Variants in MAOA observed in about 807,000 individuals in gnomAD.
The protein encoded by MAOA is monoamine oxidase A, also known as amine oxidase [flavin-containing] A.
MAOA carries 6 observed loss-of-function variants against 42.0 expected under a neutral mutation model. That is an observed-to-expected ratio of 0.14 (90% CI 0.08 to 0.28). MAOA has a LOEUF of 0.28. Ranked by LOEUF, MAOA falls within the 10% of genes least tolerant of loss-of-function variation. MAOA has a pLI of 1.00. For synonymous variants in MAOA, 140 were observed against 154.0 expected (o/e 0.91, Z 0.67); for missense variants, 262 against 422.3 (o/e 0.62, Z 3.33).
chrX:43,663,784 A>G (rs2033254511), intron 1 of MAOA, among the ~76,000 whole-genome samples: 1 of 112,243 alleles, frequency 8.9e-6, no homozygotes, highest in Non-Finnish European at 1.9e-5. Context: ...AAAATATGGG[A>G]CACCCTATTA....
chrX:43,698,589 T>C (rs181568832), intron 3 of MAOA, among the ~76,000 whole-genome samples: 122 of 112,096 alleles, frequency 1.1e-3, no homozygotes, highest in African/African-American at 3.8e-3. Flanking sequence ...GCAGATAGAG[T>C]GGTGAACAAA....
At chrX:43,690,867 G>C (rs191664706) in intron 2 of MAOA, among the ~76,000 whole-genome samples, 2 of 110,758 alleles carry the variant, frequency 1.8e-5, no homozygotes, top group African/African-American at 3.3e-5. Context: ...CATTAGAAAA[G>C]AAAAAGGCTA....
At chrX:43,709,448 T>C (rs1243693703) in intron 3 of MAOA, among the ~76,000 whole-genome samples, 3 of 110,330 alleles carry the variant, frequency 2.7e-5, no homozygotes, top group Non-Finnish European at 3.8e-5. Flanking sequence ...CTCGCTCTGT[T>C]GCCCAGGCTG....
intron 5 of MAOA, among the ~76,000 whole-genome samples, chrX:43,714,929 T>C (rs1211007174): frequency 9.3e-6 from 1 of 107,947 alleles, no homozygotes; most frequent in Non-Finnish European, 1.9e-5. Flanking sequence ...GTGGATGTCT[T>C]AGGGGAAGGG....
At chrX:43,699,244 T>C (rs902522593) in intron 3 of MAOA, among the ~76,000 whole-genome samples, 25 of 112,156 alleles carry the variant, frequency 2.2e-4, no homozygotes, top group African/African-American at 8.1e-4. Context: ...TTACTTGCAT[T>C]AGTAAATAAG....
intron 1 of MAOA, among the ~76,000 whole-genome samples, chrX:43,667,423 T>C (rs2033292012): frequency 9.0e-6 from 1 of 111,365 alleles, no homozygotes; most frequent in African/African-American, 3.3e-5. Context: ...GAGTGCAATA[T>C]TATTTGATGG....
At chrX:43,703,674 T>A (rs1435349722) in intron 3 of MAOA, among the ~76,000 whole-genome samples, 1 of 111,911 alleles carries the variant, frequency 8.9e-6, no homozygotes, top group Non-Finnish European at 1.9e-5. Flanking sequence ...ATCTTAAAAA[T>A]ACTTTGCAAA....
At chrX:43,736,171 C>A in intron 9 of MAOA, 56 bp from the exon 10 acceptor site, 2 of 867,599 alleles carry the variant, frequency 2.3e-6, no homozygotes, top group Non-Finnish European at 3.4e-6. Context: ...AAAGAAAGGG[C>A]AGCTCTTAAA....
intron 9 of MAOA, among the ~76,000 whole-genome samples, chrX:43,734,416 G>GT (rs1430339090): frequency 9.0e-6 from 1 of 111,128 alleles, no homozygotes; most frequent in Admixed American, 9.6e-5. Flanking sequence ...GTTTTTATGT[G>GT]TACAATGCTT....
At position 43,693,296 on chromosome X, in the gene MAOA, G is replaced by T. The variant is rs572229710; in HGVS notation, c.174G>T (p.Glu58Asp). The T allele has an allele frequency of 1.7e-6, 2 of 1,210,894 alleles. No individual in the cohort carries two copies. Among genetic ancestry groups the T allele is most frequent in the African/African-American group, 3.5e-5 (2 of 57,775 alleles). ...VGGRTYTIRNEHVDYVDVGGA... is the reference protein window; with the variant it reads ...VGGRTYTIRNDHVDYVDVGGA... ...CAATTTTTCTCTTTTTGCAGAATGA[G>T]CATGTTGATTACGTAGATGTTGGTG... The change falls in exon 3 of 15, where the codon GAG (glutamate) becomes GAT (aspartate). Residue 58 changes from glutamate to aspartate, a missense_variant. This residue lies in a region of MAOA where 141 missense variants were observed against 195.6 expected (regional missense o/e 0.72). Coordinates refer to ENST00000338702, the MANE Select transcript of MAOA (RefSeq NM_000240.4).
chrX:43,703,588 A>G (rs896658831), intron 3 of MAOA, among the ~76,000 whole-genome samples: 1 of 112,191 alleles, frequency 8.9e-6, no homozygotes, highest in African/African-American at 3.2e-5. Flanking sequence ...GTGTTATGTC[A>G]TACTTCTGCC....
chrX:43,710,184 A>C (rs972965357), intron 3 of MAOA, among the ~76,000 whole-genome samples: 6 of 112,666 alleles, frequency 5.3e-5, no homozygotes, highest in South Asian at 3.6e-4. Context: ...ATGCATATGA[A>C]GGGCTTTAGC....
At chrX:43,717,240 G>A (rs1202548846) in intron 5 of MAOA, among the ~76,000 whole-genome samples, 1 of 111,008 alleles carries the variant, frequency 9.0e-6, no homozygotes, top group African/African-American at 3.3e-5. Context: ...TTTTGTGAGG[G>A]AGTGATACCA....
intron 5 of MAOA, among the ~76,000 whole-genome samples, chrX:43,725,377 G>A (rs774868494): frequency 8.9e-6 from 1 of 112,096 alleles, no homozygotes; most frequent in Admixed American, 9.4e-5. Flanking sequence ...ATGTATTTAG[G>A]ATAGTTAGCT....
intron 1 of MAOA, among the ~76,000 whole-genome samples, chrX:43,670,856 G>A (rs1601926549): frequency 9.2e-6 from 1 of 108,662 alleles, no homozygotes. Flanking sequence ...GGACATTTAG[G>A]TTGGTTCCAA....
chrX:43,673,249 G>C (rs1362107514), intron 1 of MAOA, among the ~76,000 whole-genome samples: 2 of 111,487 alleles, frequency 1.8e-5, no homozygotes, highest in Admixed American at 9.5e-5. Flanking sequence ...AGTATTCTCT[G>C]ATGGTAGTTT....
At chrX:43,663,645 G>A (rs913912600) in intron 1 of MAOA, among the ~76,000 whole-genome samples, 5 of 111,904 alleles carry the variant, frequency 4.5e-5, no homozygotes, top group African/African-American at 1.6e-4. Flanking sequence ...CCATAGATCT[G>A]CAGTAAACCT....
chrX:43,742,109 G>C (rs2033964928), intron 12 of MAOA, 62 bp downstream of exon 12: 3 of 1,196,819 alleles, frequency 2.5e-6, no homozygotes, highest in Middle Eastern at 2.3e-4. Context: ...AGGAAAAGCA[G>C]AGTTCAATGC....
At chrX:43,716,595 T>A (rs1292453544) in intron 5 of MAOA, among the ~76,000 whole-genome samples, 2 of 110,310 alleles carry the variant, frequency 1.8e-5, no homozygotes, top group Non-Finnish European at 3.8e-5. Context: ...AATGACAGGA[T>A]AGTATCTTCC....
Sources: allele counts gnomAD v4.1 joint callset (sites outside exome capture counted in the v4.1 genomes callset), GRCh38; gene constraint gnomAD v4.1.1; regional missense constraint gnomAD v4.1.1; transcripts MANE v1.5; gene names NCBI Gene and HGNC (gene_info 2026-07-23, HGNC 2026-07-21).